ABCB1: variants seen among roughly 807,000 people sequenced by gnomAD.
ABCB1 encodes the protein ATP-dependent translocase ABCB1.
A neutral mutation model predicts 142.0 loss-of-function variants in ABCB1; 69 were observed. The ratio of observed to expected loss-of-function variants is 0.49; its 90% confidence interval spans 0.40 to 0.59. ABCB1 has a LOEUF of 0.59. ABCB1 is among the 20% of genes least tolerant of loss of function. ABCB1 has a pLI of 0.00. For synonymous variants in ABCB1, 532 were observed against 539.2 expected (o/e 0.99, Z 0.18); for missense variants, 1,326 against 1,554.7 (o/e 0.85, Z 2.47).
upstream of ABCB1, among the ~76,000 whole-genome samples, chr7:87,605,791 G>A (rs946785039): frequency 6.6e-5 from 10 of 152,248 alleles, no homozygotes; most frequent in African/African-American, 2.4e-4. Context: ...GTTTTTGTAA[G>A]AAGAAAATAA....
Position 87,515,314 on chromosome 7 carries a change from C to G in ABCB1, c.3199G>C (p.Ala1067Pro). The change falls in exon 25 of 28, where the codon GCT (alanine) becomes CCT (proline). Residue 1067 changes from alanine to proline, a missense_variant. Transcript: ENST00000622132. ...SLEVKKGQTL[A>P]LVGSSGCGKS... ...CCACAGCCACTGCTGCCCACCAGAGCCAGCGTCTGGCCCTTCTTCACCTCC... is the reference window on the plus strand; with the variant it reads ...CCACAGCCACTGCTGCCCACCAGAGGCAGCGTCTGGCCCTTCTTCACCTCC... The G allele has an allele frequency of 6.2e-7, 1 of 1,614,196 alleles. No individual in the cohort carries two copies. Among genetic ancestry groups the G allele is most frequent in the African/African-American group, 1.3e-5 (1 of 75,068 alleles).
intron 3 of ABCB1, among the ~76,000 whole-genome samples, chr7:87,594,609 A>G (rs183054201): frequency 5.3e-5 from 8 of 152,358 alleles, no homozygotes; most frequent in African/African-American, 1.9e-4. Context: ...CCATACAAGA[A>G]AGTAACAATG....
chr7:87,517,583 A>T (rs1815308762), intron 23 of ABCB1, among the ~76,000 whole-genome samples: 1 of 152,178 alleles, frequency 6.6e-6, no homozygotes, highest in South Asian at 2.1e-4. Flanking sequence ...AAAAATATGT[A>T]TGTCTCTGAG....
chr7:87,689,726 C>A (rs1198522700), intron 1 of ABCB1, among the ~76,000 whole-genome samples: 1 of 152,078 alleles, frequency 6.6e-6, no homozygotes, highest in African/African-American at 2.4e-5. Flanking sequence ...TTCTGATGTT[C>A]TAATTTCAAT....
At chr7:87,696,449 A>T (rs563303455) in intron 1 of ABCB1, among the ~76,000 whole-genome samples, 2 of 152,298 alleles carry the variant, frequency 1.3e-5, no homozygotes, top group East Asian at 3.9e-4. Flanking sequence ...AATATCGCAG[A>T]TAACTCATTG....
intron 4 of ABCB1, among the ~76,000 whole-genome samples, chr7:87,572,600 A>G (rs1215050310): frequency 6.6e-6 from 1 of 152,230 alleles, no homozygotes; most frequent in Non-Finnish European, 1.5e-5. Context: ...ATAAAGACAC[A>G]TGCATGCATA....
intron 1 of ABCB1, among the ~76,000 whole-genome samples, chr7:87,608,096 T>C (rs773592174): frequency 2.0e-5 from 3 of 152,186 alleles, no homozygotes; most frequent in Non-Finnish European, 4.4e-5. Context: ...ATGTCCTCAA[T>C]AATAGCAAAT....
intron 1 of ABCB1, among the ~76,000 whole-genome samples, chr7:87,615,716 A>G (rs146031546): frequency 6.6e-6 from 1 of 152,362 alleles, no homozygotes; most frequent in Non-Finnish European, 1.5e-5. Context: ...TAATTTGTAG[A>G]CTTTGTGATA....
At chr7:87,510,542 G>T (rs1201949634) in intron 25 of ABCB1, among the ~76,000 whole-genome samples, 1 of 152,244 alleles carries the variant, frequency 6.6e-6, no homozygotes, top group Admixed American at 6.5e-5. Context: ...TCAAGTGAGA[G>T]AGCTGTTCAT....
intron 1 of ABCB1, among the ~76,000 whole-genome samples, chr7:87,664,294 G>T (rs1385334626): frequency 1.3e-5 from 2 of 152,050 alleles, no homozygotes; most frequent in African/African-American, 2.4e-5. Context: ...CCTGGAGATA[G>T]CAGCTGCACT....
rs2117129702 is a variant in ABCB1, at chr7:87,531,298, C to T, written c.2681G>A (p.Gly894Glu). 6.2e-7 allele frequency: 1 copy of T among 1,612,712 alleles called. No homozygotes were observed. Among genetic ancestry groups the T allele is most frequent in the Non-Finnish European group, 8.5e-7 (1 of 1,179,178 alleles). ...LKDKKELEGSGKIATEAIENF... is the reference protein window; with the variant it reads ...LKDKKELEGSEKIATEAIENF... ...ATCATATTTAGTTTGACTCACCTTC[C>T]CAGAACCTTCTAGTTCTTTCTTATC... The change falls in exon 21 of 28, where the codon GGG becomes GAG. Residue 894 changes from glycine (G) to glutamate (E), a missense_variant. By Grantham distance (98) the Gly-to-Glu change is moderately conservative. Transcript: ENST00000622132.
At chr7:87,611,851 T>C (rs1819864561) in intron 1 of ABCB1, among the ~76,000 whole-genome samples, 2 of 152,152 alleles carry the variant, frequency 1.3e-5, no homozygotes, top group African/African-American at 4.8e-5. Context: ...GCAGATGGCT[T>C]CTGCACTCCA....
At chr7:87,616,297 A>C (rs913337028) in intron 1 of ABCB1, among the ~76,000 whole-genome samples, 1 of 152,216 alleles carries the variant, frequency 6.6e-6, no homozygotes, top group African/African-American at 2.4e-5. Context: ...GAAAAGCATG[A>C]AGATAATCCA....
chr7:87,554,225 A>G (rs1817217384), intron 8 of ABCB1, among the ~76,000 whole-genome samples: 1 of 152,064 alleles, frequency 6.6e-6, no homozygotes, highest in Non-Finnish European at 1.5e-5. Flanking sequence ...TAAAACTTAC[A>G]TTGTTTCATA....
chr7:87,677,306 CA>C (rs1826468752), intron 1 of ABCB1, among the ~76,000 whole-genome samples: 1 of 148,354 alleles, frequency 6.7e-6, no homozygotes, highest in Non-Finnish European at 1.5e-5. Flanking sequence ...CACACACACA[CA>C]CACCACAATG....
intron 1 of ABCB1, among the ~76,000 whole-genome samples, chr7:87,684,038 T>C (rs1157979158): frequency 2.0e-5 from 3 of 152,090 alleles, no homozygotes; most frequent in African/African-American, 7.2e-5. Flanking sequence ...AGAATAAAAA[T>C]GATAGGATCC....
At chr7:87,690,078 C>T (rs1827872880) in intron 1 of ABCB1, among the ~76,000 whole-genome samples, 1 of 151,984 alleles carries the variant, frequency 6.6e-6, no homozygotes, top group East Asian at 1.9e-4. Flanking sequence ...GATCCTTCTG[C>T]TTCCACCTCC....
intron 15 of ABCB1, among the ~76,000 whole-genome samples, chr7:87,545,644 C>T (rs768748357): frequency 1.3e-5 from 2 of 152,136 alleles, no homozygotes; most frequent in Non-Finnish European, 2.9e-5. Flanking sequence ...GGATAACTCA[C>T]CTTGAAACCT....
At chr7:87,602,317 T>TTC (rs1819492870), upstream of ABCB1, among the ~76,000 whole-genome samples, 1 of 141,612 alleles carries the variant, frequency 7.1e-6, no homozygotes. Context: ...TTTTTTTTTT[T>TTC]CACAAATTGT....
Sources: gnomAD v4.1 joint callset for allele counts (sites outside exome capture counted in the v4.1 genomes callset) on GRCh38, gnomAD v4.1.1 for gene constraint, MANE v1.5 for transcripts, NCBI Gene and HGNC (gene_info 2026-07-23, HGNC 2026-07-21) for gene names.